BTRC: variants seen among roughly 807,000 people sequenced by gnomAD.
The protein encoded by BTRC is beta-transducin repeat containing E3 ubiquitin protein ligase, also known as F-box/WD repeat-containing protein 1A.
In BTRC, 42 loss-of-function variants were observed where a neutral mutation model predicts 85.5. The observed-to-expected ratio is 0.49, with a 90% CI of 0.38 to 0.64. BTRC has a LOEUF of 0.64. Among genes scored for constraint, BTRC ranks in the 30% least tolerant of loss-of-function variants. The probability of loss-of-function intolerance (pLI) is 0.00; values close to 1 mark genes in which losing one functional copy is unlikely to be tolerated. For synonymous variants in BTRC, 255 were observed against 263.3 expected, an observed-to-expected ratio of 0.97 and a Z score of 0.30; for missense variants, 594 against 743.5, an observed-to-expected ratio of 0.80 and a Z score of 2.34.
At chr10:101,371,161 AT>A (rs1381945071) in intron 1 of BTRC, among the ~76,000 whole-genome samples, 1 of 126,740 alleles carries the variant, frequency 7.9e-6, no homozygotes, top group Non-Finnish European at 1.9e-5. Context: ...GGCAACCACT[AT>A]TCTTTTTTTT....
chr10:101,355,011 A>G (rs1055103721), intron 1 of BTRC, among the ~76,000 whole-genome samples: 1 of 152,226 alleles, frequency 6.6e-6, no homozygotes, highest in African/African-American at 2.4e-5. Context: ...ATACTGTAAT[A>G]AGGACAAGGT....
intron 1 of BTRC, among the ~76,000 whole-genome samples, chr10:101,370,496 G>A (rs1302440353): frequency 6.6e-6 from 1 of 152,182 alleles, no homozygotes; most frequent in Non-Finnish European, 1.5e-5. Context: ...GCCTGGCCCT[G>A]ACAAAATGAG....
intron 4 of BTRC, among the ~76,000 whole-genome samples, chr10:101,508,522 A>G (rs1208927870): frequency 1.3e-5 from 2 of 152,186 alleles, no homozygotes; most frequent in South Asian, 2.1e-4. Context: ...GCCCCATTCT[A>G]TATGTACCAT....
At position 101,430,400 on chromosome 10, in the gene BTRC, C is replaced by T; in HGVS notation, c.104C>T (p.Pro35Leu). The T allele has an allele frequency of 6.2e-7, 1 of 1,614,132 alleles. No homozygotes were observed. Among genetic ancestry groups the T allele is most frequent in the Non-Finnish European group, 8.5e-7 (1 of 1,180,008 alleles). ...TGCTCCAGCCTGGCGGACAGCATGC[C>T]TTCGCTGCGATGCCTGTATAACCCA... ...LGCSSLADSMPSLRCLYNPGT... is the reference protein window; with the variant it reads ...LGCSSLADSMLSLRCLYNPGT... Residue 35 changes from proline to leucine, a missense_variant, in exon 2 of 15, where the codon CCT (proline) becomes CTT (leucine). This residue lies in a region of BTRC where 163 missense variants were observed against 180.5 expected (regional missense o/e 0.90). Transcript: ENST00000370187.
intron 4 of BTRC, among the ~76,000 whole-genome samples, chr10:101,483,284 G>A (rs1247257048): frequency 2.6e-5 from 4 of 151,978 alleles, no homozygotes; most frequent in Non-Finnish European, 5.9e-5. Flanking sequence ...TGAAGAAAGA[G>A]GCCTAAGAAA....
intron 1 of BTRC, among the ~76,000 whole-genome samples, chr10:101,422,217 G>A (rs1944121615): frequency 6.6e-6 from 1 of 152,110 alleles, no homozygotes; most frequent in Admixed American, 6.6e-5. Context: ...TTCTCTGATG[G>A]CCAGTGATGA....
chr10:101,378,893 C>T (rs909346033), intron 1 of BTRC, among the ~76,000 whole-genome samples: 8 of 151,986 alleles, frequency 5.3e-5, no homozygotes, highest in African/African-American at 1.9e-4. Flanking sequence ...GAGAAATAGG[C>T]GGTCAAGCAG....
chr10:101,376,296 G>C (rs1942789548), intron 1 of BTRC, among the ~76,000 whole-genome samples: 1 of 152,214 alleles, frequency 6.6e-6, no homozygotes, highest in Non-Finnish European at 1.5e-5. Context: ...CTGCACTCCA[G>C]CATGTGTGAC....
intron 4 of BTRC, among the ~76,000 whole-genome samples, chr10:101,487,484 T>A (rs1946019057): frequency 6.6e-6 from 1 of 152,226 alleles, no homozygotes; most frequent in Admixed American, 6.5e-5. Flanking sequence ...AGCCACTCAG[T>A]GTCTGGGTTT....
chr10:101,507,522 GAA>G (rs1946573949), intron 4 of BTRC, among the ~76,000 whole-genome samples: 1 of 152,210 alleles, frequency 6.6e-6, no homozygotes, highest in Non-Finnish European at 1.5e-5. Flanking sequence ...TGGGAGAGAT[GAA>G]AGAGAGGTGT....
At chr10:101,386,053 A>G (rs1943070908) in intron 1 of BTRC, among the ~76,000 whole-genome samples, 1 of 151,962 alleles carries the variant, frequency 6.6e-6, no homozygotes, top group African/African-American at 2.4e-5. Flanking sequence ...GTTATCAAAA[A>G]TCCTCCCAGA....
chr10:101,429,576 C>T (rs1250015681), intron 1 of BTRC, among the ~76,000 whole-genome samples: 3 of 129,114 alleles, frequency 2.3e-5, no homozygotes, highest in Non-Finnish European at 4.7e-5. Context: ...TCTCTCCTTT[C>T]TCTCTCTTTT....
chr10:101,372,287 C>T (rs1265000234), intron 1 of BTRC, among the ~76,000 whole-genome samples: 10 of 148,644 alleles, frequency 6.7e-5, no homozygotes, highest in East Asian at 4.0e-4. Flanking sequence ...AATGGAGTTT[C>T]GCTCTTTCAC....
chr10:101,481,328 T>C (rs1298777855), intron 4 of BTRC, among the ~76,000 whole-genome samples: 3 of 152,132 alleles, frequency 2.0e-5, no homozygotes, highest in Non-Finnish European at 2.9e-5. Context: ...TTCTTTCTTT[T>C]TTTCTTTTTT....
chr10:101,371,195 TTC>T (rs1217257979), intron 1 of BTRC, among the ~76,000 whole-genome samples: 2 of 152,002 alleles, frequency 1.3e-5, no homozygotes, highest in Non-Finnish European at 2.9e-5. Flanking sequence ...TGTTTTTTTT[TTC>T]CCCCAGAGAC....
intron 2 of BTRC, among the ~76,000 whole-genome samples, chr10:101,435,251 G>A (rs1944498532): frequency 6.6e-6 from 1 of 152,120 alleles, no homozygotes; most frequent in Non-Finnish European, 1.5e-5. Flanking sequence ...TGGATCATAA[G>A]TGTACTCTTA....
At chr10:101,479,518 G>C in intron 4 of BTRC, 61 bp downstream of exon 4, 1 of 1,327,372 alleles carries the variant, frequency 7.5e-7, no homozygotes, top group South Asian at 1.2e-5. Context: ...ATATCTGTAG[G>C]CATCTTTACT....
rs2062418342 is a variant in BTRC, at chr10:101,538,376, G to C, written c.1656+5G>C. The stretch of plus-strand genomic sequence containing the variant: ...CTCTGTCTACGGACCCTTGTGGTAA[G>C]AGCCTTGCTGTTTAGAGAGCATTGG... On this transcript the variant is annotated splice_donor_5th_base_variant and intron_variant, in intron 13 of 14. Transcript: ENST00000370187. The C allele has an allele frequency of 6.2e-7, 1 of 1,610,776 alleles. No homozygotes were observed. Among genetic ancestry groups the C allele is most frequent in the African/African-American group, 1.3e-5 (1 of 74,864 alleles).
At chr10:101,472,586 G>GCA (rs1945561947) in intron 3 of BTRC, among the ~76,000 whole-genome samples, 1 of 152,108 alleles carries the variant, frequency 6.6e-6, no homozygotes, top group Non-Finnish European at 1.5e-5. Flanking sequence ...GGCCAAGGTT[G>GCA]GGTGGATCAC....
Sources: allele counts gnomAD v4.1 joint callset (sites outside exome capture counted in the v4.1 genomes callset), GRCh38; gene constraint gnomAD v4.1.1; regional missense constraint gnomAD v4.1.1; transcripts MANE v1.5; gene names NCBI Gene and HGNC (gene_info 2026-07-23, HGNC 2026-07-21).